Variants in ADAMTS6 observed in about 807,000 individuals in gnomAD.
ADAMTS6 encodes the protein ADAM metallopeptidase with thrombospondin type 1 motif 6.
ADAMTS6 carries 23 observed loss-of-function variants against 144.3 expected under a neutral mutation model. The observed-to-expected ratio is 0.16, with a 90% CI of 0.11 to 0.23. The LOEUF is 0.23. Among genes scored for constraint, ADAMTS6 ranks in the 10% least tolerant of loss-of-function variants. The pLI, the probability that ADAMTS6 is intolerant of heterozygous loss-of-function variation, is 1.00. For missense variants in ADAMTS6, 999 were observed against 1,379.6 expected (o/e 0.72, Z 4.37); for synonymous variants, 444 against 457.5 (o/e 0.97, Z 0.38).
chr5:65,470,632 A>G, intron 3 of ADAMTS6, 146 bp downstream of exon 3: 2 of 532,934 alleles, frequency 3.8e-6, no homozygotes, highest in Non-Finnish European at 5.5e-6. Context: ...CAAAGGCAGC[A>G]GAAATAGCAA....
chr5:65,430,702 G>A (rs147207415), intron 7 of ADAMTS6, among the ~76,000 whole-genome samples: 116 of 152,210 alleles, frequency 7.6e-4, no homozygotes, highest in African/African-American at 2.7e-3. Flanking sequence ...GCCAAAATAA[G>A]CAGGGGCAAA....
chr5:65,290,571 A>G (rs1363313656), intron 11 of ADAMTS6, among the ~76,000 whole-genome samples: 1 of 152,126 alleles, frequency 6.6e-6, no homozygotes, highest in African/African-American at 2.4e-5. Context: ...AAAAGAAAAA[A>G]AAATCAAGGC....
intron 14 of ADAMTS6, among the ~76,000 whole-genome samples, chr5:65,242,635 C>T (rs1480701271): frequency 6.6e-6 from 1 of 152,084 alleles, no homozygotes; most frequent in Non-Finnish European, 1.5e-5. Flanking sequence ...TAACAACATT[C>T]AGCACTATTA....
chr5:65,466,854 A>AGTAG (rs1760050637), intron 3 of ADAMTS6, among the ~76,000 whole-genome samples: 1 of 152,182 alleles, frequency 6.6e-6, no homozygotes, highest in Admixed American at 6.5e-5. Context: ...CATCCTGGCT[A>AGTAG]ACACAGTGAA....
At chr5:65,379,281 A>T (rs1250989184) in intron 7 of ADAMTS6, among the ~76,000 whole-genome samples, 1 of 152,172 alleles carries the variant, frequency 6.6e-6, no homozygotes, top group African/African-American at 2.4e-5. Flanking sequence ...CCAAGTCTTT[A>T]ACCTTTGAAT....
Position 65,193,496 on chromosome 5 carries a change from C to T in ADAMTS6, c.2705+3526G>A, listed in dbSNP as rs542162009. On this transcript the variant is annotated intron_variant, in intron 21 of 24. Coordinates refer to ENST00000381055, the MANE Select transcript of ADAMTS6 (RefSeq NM_197941.4). ...TAAATGTTCAGTCCCATCAGCAGTC[C>T]CATATATGCAAAATAAGACAGCAAT... is the stretch of plus-strand genomic sequence containing the variant. Among the ~76,000 whole-genome samples, 20 of 152,004 alleles carry T rather than the reference C, an allele frequency of 1.3e-4. 1 individual carries two copies. The highest frequency in any genetic ancestry group is 2.1e-4 in the Non-Finnish European group (14 of 67,906).
At chr5:65,328,044 T>C (rs1746337344) in intron 9 of ADAMTS6, among the ~76,000 whole-genome samples, 1 of 152,132 alleles carries the variant, frequency 6.6e-6, no homozygotes, top group Non-Finnish European at 1.5e-5. Flanking sequence ...ACCTGATGTT[T>C]ATTACAATGG....
intron 9 of ADAMTS6, among the ~76,000 whole-genome samples, chr5:65,321,708 C>CTT (rs529236363): frequency 0.055 from 4,347 of 79,102 alleles, 37 homozygotes; most frequent in East Asian, 0.079. Flanking sequence ...TTTTCTTTTC[C>CTT]TTTTTTTTTT....
chr5:65,421,021 G>A (rs1194807853), intron 7 of ADAMTS6, among the ~76,000 whole-genome samples: 1 of 152,162 alleles, frequency 6.6e-6, no homozygotes, highest in Non-Finnish European at 1.5e-5. Context: ...AATCCAGTCT[G>A]CCAATGTGTG....
chr5:65,406,873 A>T (rs886173995), intron 7 of ADAMTS6, among the ~76,000 whole-genome samples: 1 of 152,060 alleles, frequency 6.6e-6, no homozygotes, highest in South Asian at 2.1e-4. Context: ...TTTGTCGAAG[A>T]TCTTTTCTGC....
intron 7 of ADAMTS6, among the ~76,000 whole-genome samples, chr5:65,370,703 C>T (rs1750796856): frequency 6.6e-6 from 1 of 152,174 alleles, no homozygotes; most frequent in African/African-American, 2.4e-5. Flanking sequence ...GGGGGAGGGG[C>T]GCCCACCATT....
At chr5:65,303,925 AT>A (rs1206800522) in intron 9 of ADAMTS6, among the ~76,000 whole-genome samples, 2 of 152,156 alleles carry the variant, frequency 1.3e-5, no homozygotes, top group African/African-American at 4.8e-5. Context: ...TTACTTAGTC[AT>A]AAAAAGAAAA....
intron 20 of ADAMTS6, among the ~76,000 whole-genome samples, chr5:65,203,171 C>T (rs985307718): frequency 5.3e-5 from 8 of 152,206 alleles, no homozygotes; most frequent in Admixed American, 1.3e-4. Flanking sequence ...AGGCAGAATA[C>T]TAACTAGAAA....
At chr5:65,173,730 AAT>A (rs1753765329) in intron 22 of ADAMTS6, among the ~76,000 whole-genome samples, 1 of 152,132 alleles carries the variant, frequency 6.6e-6, no homozygotes, top group Non-Finnish European at 1.5e-5. Flanking sequence ...CCTTCCTTAA[AAT>A]ATGTAATTCA....
At chr5:65,428,180 T>C (rs555457257) in intron 7 of ADAMTS6, among the ~76,000 whole-genome samples, 1 of 143,892 alleles carries the variant, frequency 6.9e-6, no homozygotes, top group East Asian at 2.0e-4. Flanking sequence ...GAGCCAAGAT[T>C]GCACTATTGC....
chr5:65,189,076 C>G (rs1394717501), intron 21 of ADAMTS6, among the ~76,000 whole-genome samples: 1 of 152,268 alleles, frequency 6.6e-6, no homozygotes, highest in East Asian at 1.9e-4. Flanking sequence ...TTGTTTCAAC[C>G]TTTTGGCTCC....
chr5:65,184,713 C>T (rs1445359321), intron 22 of ADAMTS6, among the ~76,000 whole-genome samples: 1 of 151,954 alleles, frequency 6.6e-6, no homozygotes, highest in Admixed American at 6.6e-5. Flanking sequence ...TGGGTGATCC[C>T]AAGTATAGAT....
rs563518722 is a variant in ADAMTS6 at position 65,376,027 on chromosome 5, C to T, written c.1074-41942G>A. On this transcript the variant is annotated intron_variant, in intron 7 of 24. Transcript: ENST00000381055. ...ATTGCAAGAACAAAAAAACAAAGAC[C>T]GCATATTCTCACTCATAGGTGGGAA... 1.5e-4 allele frequency among the ~76,000 whole-genome samples: 22 copies of T among 151,712 alleles called. No individual in the cohort carries two copies. The East Asian group carries it at 2.5e-3, about 17-fold the overall frequency.
intron 7 of ADAMTS6, among the ~76,000 whole-genome samples, chr5:65,436,702 A>AAAACAAC (rs113486346): frequency 0.39 from 59,057 of 151,062 alleles, 11,850 homozygotes; most frequent in South Asian, 0.44. Context: ...CAAAAAACAA[A>AAAACAAC]AAACAACTAG....
Sources: allele counts gnomAD v4.1 joint callset (sites outside exome capture counted in the v4.1 genomes callset), GRCh38; gene constraint gnomAD v4.1.1; transcripts MANE v1.5; gene names NCBI Gene and HGNC (gene_info 2026-07-23, HGNC 2026-07-21).